SHANK2: variants seen among roughly 807,000 people sequenced by gnomAD.
SHANK2 encodes the protein SH3 and multiple ankyrin repeat domains protein 2.
In SHANK2, 43 loss-of-function variants were observed where a neutral mutation model predicts 133.7. The ratio of observed to expected loss-of-function variants is 0.32; its 90% CI spans 0.25 to 0.41. The LOEUF (loss-of-function observed/expected upper bound fraction) is 0.41. Ranked by LOEUF, SHANK2 falls within the 10% of genes least tolerant of loss-of-function variation. The pLI is 1.00. For synonymous variants in SHANK2, 1,017 were observed against 952.8 expected, an observed-to-expected ratio of 1.07 and a Z score of -1.24; for missense variants, 1,994 against 2,235.8, an observed-to-expected ratio of 0.89 and a Z score of 2.18.
chr11:71,237,518 C>T (rs563358386), intron 1 of SHANK2, among the ~76,000 whole-genome samples: 85 of 152,320 alleles, frequency 5.6e-4, no homozygotes, highest in African/African-American at 1.8e-3. Context: ...TTAACTAACA[C>T]GACCCTCAAC....
chr11:70,562,125 G>C (rs1376330721), intron 17 of SHANK2, among the ~76,000 whole-genome samples: 3 of 152,076 alleles, frequency 2.0e-5, no homozygotes, highest in African/African-American at 7.2e-5. Flanking sequence ...TTCTCTTACT[G>C]GTTTCTAATA....
intron 17 of SHANK2, among the ~76,000 whole-genome samples, chr11:70,524,998 C>T (rs1482796298): frequency 4.6e-5 from 7 of 152,234 alleles, no homozygotes; most frequent in African/African-American, 1.7e-4. Flanking sequence ...TGCAAGCCTG[C>T]CCGCTTCTAG....
At chr11:71,083,605 C>A (rs2136011868) in intron 8 of SHANK2, among the ~76,000 whole-genome samples, 2 of 152,200 alleles carry the variant, frequency 1.3e-5, no homozygotes, top group African/African-American at 4.8e-5. Context: ...CCCGAAGATA[C>A]TGAGTCAAAC....
intron 14 of SHANK2, among the ~76,000 whole-genome samples, chr11:70,762,672 C>T (rs1250450423): frequency 6.6e-6 from 1 of 152,182 alleles, no homozygotes; most frequent in Non-Finnish European, 1.5e-5. Flanking sequence ...ATAGCTCCTT[C>T]CTCAGTATGA....
chr11:71,109,956 C>T lies in SHANK2; in HGVS notation c.577G>A (p.Asp193Asn), dbSNP rs1555098796. Residue 193 changes from aspartate (D) to asparagine (N), a missense_variant, in exon 6 of 26, where the codon GAC becomes AAC. Physicochemically the swap from Asp to Asn is conservative, Grantham distance 23. This residue lies in a region of SHANK2 where 653 missense variants were observed against 563.4 expected (regional missense o/e 1.16). Transcript: ENST00000601538. ...AAGTGCTCACCTCCGGTCTCCGGGT[C>T]GTGGAAATTGGGATCCAGGCCTCGG... ...LDRGLDPNFH[D>N]PETGETPLTL... 12 of 1,551,138 alleles carry T rather than the reference C, an allele frequency of 7.7e-6. No individual in the cohort carries two copies. Among genetic ancestry groups the T allele is most frequent in the South Asian group, 1.2e-5 (1 of 84,024 alleles).
rs114484835 is a variant in SHANK2 at position 71,159,557 on chromosome 11, C to T, written c.-12-12219G>A. The stretch of plus-strand genomic sequence containing the variant: ...TTAATTAGCCAGCCACAAATATGTT[C>T]AATTGTTATTTGCTCAATAAAACAA... On this transcript the variant is annotated intron_variant, in intron 2 of 25. Transcript: ENST00000601538. Among the ~76,000 whole-genome samples the T allele has an allele frequency of 6.6e-3, 1,002 of 152,238 alleles. 8 individuals are homozygous for T. Among genetic ancestry groups the T allele is most frequent in the African/African-American group, 0.023 (962 of 41,542 alleles).
chr11:70,548,941 G>A (rs145842751), intron 17 of SHANK2, among the ~76,000 whole-genome samples: 81 of 152,214 alleles, frequency 5.3e-4, no homozygotes, highest in East Asian at 9.7e-4. Context: ...AGCAGCCACC[G>A]GGAGCAGGAA....
chr11:70,657,227 G>A (rs190490538), intron 17 of SHANK2, among the ~76,000 whole-genome samples: 51 of 152,226 alleles, frequency 3.4e-4, no homozygotes, highest in African/African-American at 1.2e-3. Context: ...AGCTTTTCAC[G>A]TGGAGACCTT....
At chr11:70,630,035 G>A (rs1041935096) in intron 17 of SHANK2, among the ~76,000 whole-genome samples, 1 of 152,240 alleles carries the variant, frequency 6.6e-6, no homozygotes, top group Non-Finnish European at 1.5e-5. Context: ...TCCAGAGAGG[G>A]GCAGACAGCA....
At chr11:70,522,301 T>TA (rs1440675603) in intron 17 of SHANK2, among the ~76,000 whole-genome samples, 1 of 152,220 alleles carries the variant, frequency 6.6e-6, no homozygotes, top group Admixed American at 6.5e-5. Flanking sequence ...AACCTCTATC[T>TA]AGATTTGATT....
chr11:70,823,100 G>A (rs2135361995), intron 11 of SHANK2, among the ~76,000 whole-genome samples: 1 of 41,030 alleles, frequency 2.4e-5, no homozygotes, highest in African/African-American at 1.2e-4. Flanking sequence ...AGGTGGCGCT[G>A]GCAGAGCTCA....
chr11:70,769,488 G>A lies in SHANK2; in HGVS notation c.1777+28955C>T, dbSNP rs548093824. ...AGGACAGAGCATGTCCCTGAACAAC[G>A]CTGGAGCTGCAGGGTGACCTGAGCT... On this transcript the variant is annotated intron_variant, in intron 14 of 25. Transcript: ENST00000601538. Among the ~76,000 whole-genome samples, 10 of 152,310 alleles carry A rather than the reference G, an allele frequency of 6.6e-5. No individual in the cohort carries two copies. In the Middle Eastern group the frequency reaches 0.017, roughly 259 times the overall value.
chr11:70,850,609 C>A (rs1555065157), intron 11 of SHANK2, among the ~76,000 whole-genome samples: 1 of 152,224 alleles, frequency 6.6e-6, no homozygotes, highest in African/African-American at 2.4e-5. Flanking sequence ...AGCTCTCTCC[C>A]AAATTCCAAG....
chr11:70,573,249 G>A (rs2060069011), intron 17 of SHANK2, among the ~76,000 whole-genome samples: 1 of 130,596 alleles, frequency 7.7e-6, no homozygotes, highest in Non-Finnish European at 1.7e-5. Flanking sequence ...GGGCTGTGAT[G>A]TGAGCTGGGT....
intron 6 of SHANK2, among the ~76,000 whole-genome samples, chr11:71,108,778 A>G (rs1951840537): frequency 6.6e-6 from 1 of 152,162 alleles, no homozygotes; most frequent in East Asian, 1.9e-4. Context: ...CTGCCTCCCA[A>G]CGTCACAGGC....
At chr11:70,549,289 A>T (rs2059735175) in intron 17 of SHANK2, among the ~76,000 whole-genome samples, 1 of 152,184 alleles carries the variant, frequency 6.6e-6, no homozygotes, top group African/African-American at 2.4e-5. Flanking sequence ...GACTGAGCCA[A>T]AGGCATCCCT....
intron 2 of SHANK2, among the ~76,000 whole-genome samples, chr11:71,184,381 T>A (rs1038694098): frequency 3.3e-5 from 5 of 152,080 alleles, no homozygotes; most frequent in African/African-American, 1.2e-4. Context: ...CGAAAAGCAA[T>A]GGCTCTCGCG....
chr11:71,097,681 A>T (rs1472555602), intron 6 of SHANK2, among the ~76,000 whole-genome samples: 1 of 152,150 alleles, frequency 6.6e-6, no homozygotes, highest in Admixed American at 6.5e-5. Flanking sequence ...GGGCTCCCGG[A>T]AGCGCAGCAG....
At chr11:70,554,718 C>T (rs1287422667) in intron 17 of SHANK2, among the ~76,000 whole-genome samples, 2 of 152,096 alleles carry the variant, frequency 1.3e-5, no homozygotes, top group African/African-American at 2.4e-5. Context: ...TATAACGCCC[C>T]GTTCCCCCAC....
Sources: gnomAD v4.1 joint callset for allele counts (sites outside exome capture counted in the v4.1 genomes callset) on GRCh38, gnomAD v4.1.1 for gene constraint, gnomAD v4.1.1 regional missense constraint, MANE v1.5 for transcripts, NCBI Gene and HGNC (gene_info 2026-07-23, HGNC 2026-07-21) for gene names.